CCDC122: variants seen among roughly 807,000 people sequenced by gnomAD.
CCDC122 encodes the protein coiled-coil domain-containing protein 122.
In CCDC122, 38 loss-of-function variants were observed where a neutral mutation model predicts 37.0. The ratio of observed to expected loss-of-function variants is 1.03; its 90% CI spans 0.79 to 1.35. The LOEUF is 1.35. Ranked by LOEUF, CCDC122 falls within the 40% of genes most tolerant of loss-of-function variation. CCDC122 has a pLI of 0.00. For missense variants in CCDC122, 305 were observed against 310.0 expected (o/e 0.98, Z 0.12); for synonymous variants, 83 against 95.6 (o/e 0.87, Z 0.77).
Position 43,837,383 on chromosome 13 carries a change from T to C in CCDC122, c.719A>G (p.Gln240Arg), listed in dbSNP as rs775652986. ...TCTATTTGACTGAAGCTTGTTCACC[T>C]GACAATGCAAACGCTTAAGAATTGC... ...YDAILKRLHC[Q>R]VNKLQSNRRQ... Residue 240 changes from glutamine (Q) to arginine (R), a missense_variant, in exon 7 of 7, where the codon CAG becomes CGG. Transcript: ENST00000444614. 3.7e-6 allele frequency: 6 copies of C among 1,614,104 alleles called. No homozygotes were observed. The highest frequency in any genetic ancestry group is 5.1e-6 in the Non-Finnish European group (6 of 1,180,000).
At chr13:43,823,110 C>T (rs569275331), downstream of CCDC122, among the ~76,000 whole-genome samples, 1 of 152,254 alleles carries the variant, frequency 6.6e-6, no homozygotes, top group East Asian at 1.9e-4. Context: ...TACCTGGGTA[C>T]TGCTGTTTGT....
At chr13:43,829,077 T>G (rs1476885084) in intron 3 of CCDC122, among the ~76,000 whole-genome samples, 1 of 152,192 alleles carries the variant, frequency 6.6e-6, no homozygotes, top group African/African-American at 2.4e-5. Context: ...ATATTACAAA[T>G]ATATCATGTT....
In CCDC122 at chr13:43,843,675, GA is replaced by G. The variant is rs529301428; in HGVS notation, c.673-6247del. ...AAATATATGATTAGAATTCACTAAT[GA>G]AAATGTGTCAGTTGGAGCCTTATAT... On this transcript the variant is annotated intron_variant, in intron 6 of 6. Transcript: ENST00000444614. 4.9e-4 allele frequency among the ~76,000 whole-genome samples: 74 copies of G among 152,026 alleles called. 1 individual carries two copies. Among genetic ancestry groups the G allele is most frequent in the African/African-American group, 1.5e-3 (64 of 41,542 alleles).
At chr13:43,852,540 G>A (rs1035373051) in intron 6 of CCDC122, among the ~76,000 whole-genome samples, 1 of 151,976 alleles carries the variant, frequency 6.6e-6, no homozygotes, top group Non-Finnish European at 1.5e-5. Flanking sequence ...TGGGGAGAAT[G>A]GAACCAACTT....
At chr13:43,834,314 T>C (rs765274217), downstream of CCDC122, among the ~76,000 whole-genome samples, 93 of 152,168 alleles carry the variant, frequency 6.1e-4, no homozygotes, top group Non-Finnish European at 1.2e-3. Flanking sequence ...TAATTCAAGA[T>C]GGATTAAAGA....
chr13:43,862,636 C>T (rs971478467), intron 4 of CCDC122, among the ~76,000 whole-genome samples: 7 of 152,152 alleles, frequency 4.6e-5, no homozygotes, highest in Non-Finnish European at 1.0e-4. Flanking sequence ...CTGCTTAAAA[C>T]AGTAACTGAC....
In CCDC122 at chr13:43,848,304, C is replaced by A. The variant is rs1594828196; in HGVS notation, c.672+10477G>T. On this transcript the variant is annotated intron_variant, in intron 6 of 6. Coordinates refer to ENST00000444614, the MANE Select transcript of CCDC122 (RefSeq NM_144974.5). ...TTTAGGCAAGAGTAAGCCATCAATG[C>A]TTTACACAATGTCTGTTATGCCAAA... is the stretch of plus-strand genomic sequence containing the variant. 2.0e-5 allele frequency among the ~76,000 whole-genome samples: 3 copies of A among 152,238 alleles called. No homozygotes were observed. In the East Asian group the frequency reaches 5.8e-4, roughly 29 times the overall value.
chr13:43,865,390 C>T (rs1276183686), intron 4 of CCDC122, among the ~76,000 whole-genome samples: 1 of 152,046 alleles, frequency 6.6e-6, no homozygotes, highest in Non-Finnish European at 1.5e-5. Context: ...CCTCCTTATC[C>T]AAGGGGAATA....
chr13:43,827,544 T>C (rs577493755), intron 3 of CCDC122, among the ~76,000 whole-genome samples: 1 of 152,348 alleles, frequency 6.6e-6, no homozygotes, highest in East Asian at 1.9e-4. Flanking sequence ...TTTGGTACAG[T>C]TGACCCTCGA....
intron 1 of CCDC122, among the ~76,000 whole-genome samples, chr13:43,875,498 C>CAATGGCCAGACCATATGTAAA (rs1487044037): frequency 6.6e-6 from 1 of 152,154 alleles, no homozygotes; most frequent in African/African-American, 2.4e-5. Context: ...TGCAAATGGA[C>CAATGGCCAGACCATATGTAAA]AATGGCCAGA....
chr13:43,826,346 A>C (rs1029243390), intron 3 of CCDC122, among the ~76,000 whole-genome samples: 1 of 152,240 alleles, frequency 6.6e-6, no homozygotes, highest in Non-Finnish European at 1.5e-5. Context: ...AAAATAGTTA[A>C]TATCATAAAA....
At chr13:43,859,636 A>G in intron 5 of CCDC122, 36 bp downstream of exon 5, 1 of 1,430,032 alleles carries the variant, frequency 7.0e-7, no homozygotes, top group Non-Finnish European at 9.2e-7. Flanking sequence ...AAAAGGAGTA[A>G]TAGAAAAAAT....
At chr13:43,831,219 G>C (rs180698491) in intron 3 of CCDC122, among the ~76,000 whole-genome samples, 2 of 152,286 alleles carry the variant, frequency 1.3e-5, no homozygotes, top group African/African-American at 4.8e-5. Flanking sequence ...TGGCTAGACA[G>C]TCTCTGTGGA....
intron 6 of CCDC122, chr13:43,855,455 T>G (rs927371875): frequency 2.0e-5 from 3 of 151,456 alleles, no homozygotes; most frequent in African/African-American, 7.3e-5. Flanking sequence ...TATAAAATAC[T>G]GCTCAAATAA....
intron 4 of CCDC122, among the ~76,000 whole-genome samples, chr13:43,861,539 C>T (rs1167631732): frequency 6.6e-6 from 1 of 152,162 alleles, no homozygotes; most frequent in Non-Finnish European, 1.5e-5. Context: ...ACCAAAATAA[C>T]TCTGTAGGCC....
At chr13:43,872,171 C>A (rs922216278) in intron 2 of CCDC122, among the ~76,000 whole-genome samples, 1 of 151,764 alleles carries the variant, frequency 6.6e-6, no homozygotes, top group African/African-American at 2.4e-5. Context: ...GCTGTTTAAC[C>A]CCGCAAGACT....
chr13:43,827,232 C>G (rs1395939006), intron 3 of CCDC122, among the ~76,000 whole-genome samples: 2 of 152,148 alleles, frequency 1.3e-5, no homozygotes, highest in African/African-American at 4.8e-5. Flanking sequence ...TCCAGAAAAG[C>G]ATTTTCAAAA....
chr13:43,879,115 T>C (rs979460696), intron 1 of CCDC122, among the ~76,000 whole-genome samples: 2 of 151,980 alleles, frequency 1.3e-5, no homozygotes, highest in Non-Finnish European at 2.9e-5. Flanking sequence ...TCAGCTCGCT[T>C]GGGAAACGGC....
chr13:43,869,385 T>C lies in CCDC122; in HGVS notation c.-9A>G. 2 of 1,604,364 alleles carry C rather than the reference T, an allele frequency of 1.2e-6. No homozygotes were observed. Among genetic ancestry groups the C allele is most frequent in the Non-Finnish European group, 1.7e-6 (2 of 1,173,694 alleles). On this transcript the variant is annotated 5_prime_UTR_variant, in exon 3 of 7. Coordinates refer to ENST00000444614, the MANE Select transcript of CCDC122 (RefSeq NM_144974.5). ...TCTTTGTTGTCTGACATTTTCTGTG[T>C]CTGTAATCTCTTTTCCCCTTTTTGA... is the stretch of plus-strand genomic sequence containing the variant.
Sources: gnomAD v4.1 joint callset for allele counts (sites outside exome capture counted in the v4.1 genomes callset) on GRCh38, gnomAD v4.1.1 for gene constraint, MANE v1.5 for transcripts, NCBI Gene and HGNC (gene_info 2026-07-23, HGNC 2026-07-21) for gene names.